Variants in MED12L observed in about 807,000 individuals in gnomAD.
MED12L encodes mediator complex subunit 12L, also known as mediator of RNA polymerase II transcription subunit 12-like protein.
A neutral mutation model predicts 281.3 loss-of-function variants in MED12L; 60 were observed. That is an observed-to-expected ratio of 0.21 (90% CI 0.17 to 0.26). The LOEUF (loss-of-function observed/expected upper bound fraction) is 0.26. Among genes scored for constraint, MED12L ranks in the 10% least tolerant of loss-of-function variants. The pLI, the probability that MED12L is intolerant of heterozygous loss-of-function variation, is 1.00. For missense variants in MED12L, 2,146 were observed against 2,680.9 expected (o/e 0.80, Z 4.41); for synonymous variants, 974 against 987.2 (o/e 0.99, Z 0.25).
intron 2 of MED12L, among the ~76,000 whole-genome samples, chr3:151,095,842 A>C (rs1003288430): frequency 6.6e-6 from 1 of 152,128 alleles, no homozygotes; most frequent in African/African-American, 2.4e-5. Flanking sequence ...GGAGTTCAAT[A>C]GTAGCCTGGG....
chr3:151,237,354 T>TTTC (rs1553753093), intron 16 of MED12L, among the ~76,000 whole-genome samples: 3 of 128,760 alleles, frequency 2.3e-5, no homozygotes, highest in South Asian at 2.6e-4. Context: ...TTTTTTCTTT[T>TTTC]TTTTTTTTTT....
At chr3:151,277,278 A>T (rs889784210) in intron 16 of MED12L, among the ~76,000 whole-genome samples, 1 of 151,924 alleles carries the variant, frequency 6.6e-6, no homozygotes, top group Non-Finnish European at 1.5e-5. Flanking sequence ...TTGTGTGCAC[A>T]CAATTGTATG....
At chr3:151,370,549 G>A (rs1176663524) in intron 26 of MED12L, among the ~76,000 whole-genome samples, 2 of 152,170 alleles carry the variant, frequency 1.3e-5, no homozygotes, top group African/African-American at 4.8e-5. Context: ...GTAGAGCCAC[G>A]TCAAGGACCA....
intron 41 of MED12L, among the ~76,000 whole-genome samples, chr3:151,412,745 C>G (rs1339793734): frequency 6.6e-6 from 1 of 152,070 alleles, no homozygotes; most frequent in East Asian, 1.9e-4. Context: ...ACCTCTAGCT[C>G]TGTTTTTTCA....
At position 151,279,979 on chromosome 3, in the gene MED12L, T is replaced by C. The variant is rs116129311; in HGVS notation, c.2251-70080T>C. On this transcript the variant is annotated intron_variant, in intron 16 of 44. Coordinates refer to ENST00000687756, the MANE Select transcript of MED12L (RefSeq NM_001393769.1). ...TTGAGTATGACTGGGGAGAACATGA[T>C]AATTTGTTGCTTCTTGACTTCCCCG... Among the ~76,000 whole-genome samples the C allele has an allele frequency of 9.4e-3, 1,431 of 152,094 alleles. 16 individuals carry two copies. The highest frequency in any genetic ancestry group is 0.032 in the African/African-American group (1,344 of 41,480).
chr3:151,436,620 G>T lies in MED12L; in HGVS notation c.*3816G>T. On this transcript the variant is annotated 3_prime_UTR_variant, in exon 45 of 45. Coordinates refer to ENST00000687756, the MANE Select transcript of MED12L (RefSeq NM_001393769.1). ...ATTCAAATTCATTTACATGCCTATG[G>T]CTGCCTTTGATTAAACTTCTTCCAA... The T allele has an allele frequency of 2.8e-6, 3 of 1,069,538 alleles. No homozygotes were observed. The highest frequency in any genetic ancestry group is 2.3e-5 in the Admixed American group (1 of 43,684). The allele number at this position is 1,069,538 out of a possible 1,614,324, so 66.3% of individuals were successfully genotyped here.
In MED12L at chr3:151,165,942, A is replaced by G. The variant is rs767543346; in HGVS notation, c.1454A>G (p.His485Arg). ...AGCAATTCCATGGAGACACTTTATC[A>G]TAAGATTTTCTGGGCAAACCAAAAC... ...DSSNSMETLY[H>R]KIFWANQNKD... The change falls in exon 11 of 45, where the codon CAT becomes CGT. Residue 485 changes from histidine to arginine, a missense_variant. Transcript: ENST00000687756. 1.7e-5 allele frequency: 27 copies of G among 1,613,640 alleles called. No homozygotes were observed. Among genetic ancestry groups the G allele is most frequent in the South Asian group, 3.3e-5 (3 of 90,934 alleles).
chr3:151,134,667 G>A (rs987427099), intron 5 of MED12L, among the ~76,000 whole-genome samples: 2 of 152,238 alleles, frequency 1.3e-5, no homozygotes, highest in African/African-American at 4.8e-5. Context: ...GAGATTCACA[G>A]AGGAAGTGAC....
intron 4 of MED12L, among the ~76,000 whole-genome samples, chr3:151,124,324 A>G (rs769342935): frequency 9.9e-5 from 15 of 152,118 alleles, no homozygotes; most frequent in East Asian, 1.9e-4. Flanking sequence ...TTCTTTCTTT[A>G]TTGGGAGCTG....
intron 2 of MED12L, among the ~76,000 whole-genome samples, chr3:151,093,517 G>A (rs1219003989): frequency 6.6e-6 from 1 of 152,152 alleles, no homozygotes; most frequent in East Asian, 1.9e-4. Flanking sequence ...CCCTTGATTT[G>A]ATATATTAGA....
In MED12L at chr3:151,391,383, G is replaced by C. The variant is rs78264118; in HGVS notation, c.5608+1248G>C. Among the ~76,000 whole-genome samples, 192 of 152,134 alleles carry C rather than the reference G, an allele frequency of 1.3e-3. 1 individual carries two copies. Among genetic ancestry groups the C allele is most frequent in the African/African-American group, 4.4e-3 (184 of 41,514 alleles). ...CTTCCTGCCTGTCTCCGTTGGGCTTGGTCACATTACTTTCTCACTGGGGCC... is the reference window on the plus strand; with the variant it reads ...CTTCCTGCCTGTCTCCGTTGGGCTTCGTCACATTACTTTCTCACTGGGGCC... On this transcript the variant is annotated intron_variant, in intron 38 of 44. Coordinates refer to ENST00000687756, the MANE Select transcript of MED12L (RefSeq NM_001393769.1).
At chr3:151,169,916 C>G (rs1231318494) in intron 11 of MED12L, among the ~76,000 whole-genome samples, 4 of 152,216 alleles carry the variant, frequency 2.6e-5, no homozygotes, top group Admixed American at 2.6e-4. Context: ...GGTTGCATAG[C>G]CTGCTTCTTC....
At chr3:151,132,155 A>G (rs1715489782) in intron 5 of MED12L, among the ~76,000 whole-genome samples, 1 of 152,212 alleles carries the variant, frequency 6.6e-6, no homozygotes, top group African/African-American at 2.4e-5. Context: ...AAAGAGAAAT[A>G]TTTTTAAAAT....
At chr3:151,167,181 A>AT (rs1317448250) in intron 11 of MED12L, among the ~76,000 whole-genome samples, 4 of 152,232 alleles carry the variant, frequency 2.6e-5, no homozygotes, top group African/African-American at 7.2e-5. Flanking sequence ...ATCACAGATA[A>AT]TTTTTATCTC....
At chr3:151,278,844 C>T (rs1159557594) in intron 16 of MED12L, among the ~76,000 whole-genome samples, 1 of 152,182 alleles carries the variant, frequency 6.6e-6, no homozygotes, top group Non-Finnish European at 1.5e-5. Context: ...ATTTTGACAC[C>T]AATGTCGACA....
intron 5 of MED12L, among the ~76,000 whole-genome samples, chr3:151,129,815 T>C (rs1468598237): frequency 6.6e-6 from 1 of 152,072 alleles, no homozygotes. Context: ...GTCACCCATG[T>C]TGGAGTGCAG....
intron 16 of MED12L, among the ~76,000 whole-genome samples, chr3:151,281,035 A>G (rs1165265866): frequency 6.6e-6 from 1 of 151,656 alleles, no homozygotes; most frequent in African/African-American, 2.4e-5. Context: ...AGTAAGTATT[A>G]ATGTTTGAAA....
chr3:151,103,195 A>G (rs1255278884), intron 2 of MED12L, among the ~76,000 whole-genome samples: 3 of 138,360 alleles, frequency 2.2e-5, no homozygotes, highest in Non-Finnish European at 4.7e-5. Flanking sequence ...CTTTATGAAT[A>G]TGCAAATCTA....
At chr3:151,131,781 C>T (rs74700262) in intron 5 of MED12L, among the ~76,000 whole-genome samples, 12 of 152,208 alleles carry the variant, frequency 7.9e-5, no homozygotes, top group South Asian at 4.1e-4. Flanking sequence ...TACTTAAGAA[C>T]GTTATGGACT....
Sources: gnomAD v4.1 joint callset for allele counts (sites outside exome capture counted in the v4.1 genomes callset) on GRCh38, gnomAD v4.1.1 for gene constraint, MANE v1.5 for transcripts, NCBI Gene and HGNC (gene_info 2026-07-23, HGNC 2026-07-21) for gene names.